MINDY4: variants seen among roughly 807,000 people sequenced by gnomAD.
MINDY4 encodes MINDY lysine 48 deubiquitinase 4, also known as probable ubiquitin carboxyl-terminal hydrolase MINDY-4.
Under a neutral mutation model 87.0 loss-of-function variants are expected in MINDY4, and 68 were observed. The observed-to-expected ratio is 0.78, with a 90% CI of 0.64 to 0.96. MINDY4 has a LOEUF of 0.96. Ranked by LOEUF, MINDY4 falls within the 40% of genes least tolerant of loss-of-function variation. The pLI is 0.00. For missense variants in MINDY4, 919 were observed against 928.2 expected (o/e 0.99, Z 0.13); for synonymous variants, 379 against 363.2 (o/e 1.04, Z -0.50).
At chr7:30,793,266 G>A (rs1428194271) in intron 5 of MINDY4, among the ~76,000 whole-genome samples, 1 of 151,192 alleles carries the variant, frequency 6.6e-6, no homozygotes, top group Admixed American at 6.6e-5. Flanking sequence ...CATGTATTTG[G>A]AACTTTAAAT....
At chr7:30,838,000 A>C (rs1048827921) in intron 7 of MINDY4, among the ~76,000 whole-genome samples, 1 of 152,208 alleles carries the variant, frequency 6.6e-6, no homozygotes, top group Admixed American at 6.5e-5. Flanking sequence ...TCTGGTGGAA[A>C]ATAATGAGTC....
intron 3 of MINDY4, among the ~76,000 whole-genome samples, chr7:30,784,902 C>G (rs1366372420): frequency 6.6e-6 from 1 of 152,124 alleles, no homozygotes; most frequent in Non-Finnish European, 1.5e-5. Context: ...GGGGGCAATA[C>G]CCATTTATGG....
At chr7:30,877,878 C>A (rs1790322796) in intron 15 of MINDY4, among the ~76,000 whole-genome samples, 1 of 120,598 alleles carries the variant, frequency 8.3e-6, no homozygotes, top group Non-Finnish European at 1.6e-5. Flanking sequence ...TGGGGTTTCA[C>A]CATATTGGCC....
At chr7:30,776,967 A>ATTTCTTTTCT (rs70983390) in intron 1 of MINDY4, among the ~76,000 whole-genome samples, 1 of 149,734 alleles carries the variant, frequency 6.7e-6, no homozygotes, top group East Asian at 2.0e-4. Context: ...CCCCAATGGT[A>ATTTCTTTTCT]TTTCTTTTCT....
chr7:30,858,400 A>G (rs1789645034), intron 12 of MINDY4: 1 of 152,158 alleles, frequency 6.6e-6, no homozygotes. Flanking sequence ...AGATGAGAAG[A>G]CTGAGGATAG....
At chr7:30,800,016 G>A (rs936307202) in intron 5 of MINDY4, among the ~76,000 whole-genome samples, 3 of 152,124 alleles carry the variant, frequency 2.0e-5, no homozygotes, top group Non-Finnish European at 4.4e-5. Context: ...CCTGGAGTGG[G>A]GCGGGCAGTG....
intron 10 of MINDY4, 149 bp from the exon 11 acceptor site, chr7:30,852,067 G>A (rs538789650): frequency 2.5e-6 from 2 of 795,790 alleles, no homozygotes; most frequent in African/African-American, 1.8e-5. Context: ...AGTTCAAAGT[G>A]GGGAAAAATG....
intron 17 of MINDY4, among the ~76,000 whole-genome samples, chr7:30,885,560 C>T (rs893427200): frequency 6.6e-6 from 1 of 152,118 alleles, no homozygotes; most frequent in Admixed American, 6.5e-5. Context: ...CACAAAGCGC[C>T]GTGCCCCACA....
intron 13 of MINDY4, among the ~76,000 whole-genome samples, chr7:30,867,714 TG>T (rs2128577020): frequency 6.6e-6 from 1 of 152,112 alleles, no homozygotes; most frequent in African/African-American, 2.4e-5. Context: ...GGGGGAAGTG[TG>T]GTCAAGGGTC....
At chr7:30,844,487 G>C (rs1477835580) in intron 9 of MINDY4, among the ~76,000 whole-genome samples, 1 of 152,044 alleles carries the variant, frequency 6.6e-6, no homozygotes, top group African/African-American at 2.4e-5. Flanking sequence ...GTCGCAGGTA[G>C]ATAGGGGTTG....
At chr7:30,785,289 CA>C (rs879396315) in intron 3 of MINDY4, among the ~76,000 whole-genome samples, 10,528 of 151,944 alleles carry the variant, frequency 0.069, 494 homozygotes, top group Middle Eastern at 0.13. Flanking sequence ...CACACACACA[CA>C]CACACACACA....
In MINDY4 at chr7:30,825,516, T is replaced by C. The variant is rs557090932; in HGVS notation, c.1074-3163T>C. ...CACTTGGGAGATTTGGCCCTTGTCC[T>C]GCGGTCTGCAGGAAGCCATGGAAGT... is the stretch of plus-strand genomic sequence containing the variant. On this transcript the variant is annotated intron_variant, in intron 5 of 17. Coordinates refer to ENST00000265299, the MANE Select transcript of MINDY4 (RefSeq NM_032222.3). Among the ~76,000 whole-genome samples, 3 of 152,322 alleles carry C rather than the reference T, an allele frequency of 2.0e-5. No homozygotes were observed. The South Asian group carries it at 6.2e-4, about 32-fold the overall frequency.
intron 6 of MINDY4, among the ~76,000 whole-genome samples, chr7:30,834,591 T>C (rs941267201): frequency 1.3e-5 from 2 of 152,268 alleles, no homozygotes; most frequent in African/African-American, 4.8e-5. Flanking sequence ...TGGCTACTTA[T>C]GCAAATTTCT....
chr7:30,822,883 G>T (rs1199055867), intron 5 of MINDY4, among the ~76,000 whole-genome samples: 2 of 151,798 alleles, frequency 1.3e-5, no homozygotes, highest in East Asian at 3.9e-4. Context: ...GGCTCAAGCA[G>T]TCGGCCCACC....
chr7:30,855,807 G>A (rs1789551936), intron 12 of MINDY4, among the ~76,000 whole-genome samples: 1 of 152,242 alleles, frequency 6.6e-6, no homozygotes, highest in African/African-American at 2.4e-5. Context: ...CTCCTCGCCT[G>A]GCTTTGGTCC....
At chr7:30,840,302 C>T (rs1788991734) in intron 8 of MINDY4, among the ~76,000 whole-genome samples, 1 of 152,204 alleles carries the variant, frequency 6.6e-6, no homozygotes, top group Non-Finnish European at 1.5e-5. Context: ...GAAGAGAGCG[C>T]AGAGCTCATG....
At chr7:30,877,557 G>T (rs1413038101) in intron 15 of MINDY4, among the ~76,000 whole-genome samples, 1 of 152,128 alleles carries the variant, frequency 6.6e-6, no homozygotes, top group Non-Finnish European at 1.5e-5. Flanking sequence ...TAAGGAAGGA[G>T]CCCTGGCCTC....
In MINDY4 at chr7:30,839,209, A is replaced by T. The variant is rs1437569971; in HGVS notation, c.1249A>T (p.Thr417Ser). 6 of 1,599,814 alleles carry T rather than the reference A, an allele frequency of 3.8e-6. No homozygotes were observed. The Admixed American group carries it at 1.1e-4, about 28-fold the overall frequency. ...TCTCTTCTTTTTATAGGAAATAAAG[A>T]CCCTTCTGTTTGGTTCCAGCTTTTG... is the stretch of plus-strand genomic sequence containing the variant. ...IDLSVAKEIKTLLFGSSFCCF... is the reference protein window; with the variant it reads ...IDLSVAKEIKSLLFGSSFCCF... The change falls in exon 8 of 18, where the codon ACC becomes TCC. Residue 417 changes from threonine to serine, a missense_variant. Coordinates refer to ENST00000265299, the MANE Select transcript of MINDY4 (RefSeq NM_032222.3).
intron 11 of MINDY4, 135 bp from the exon 12 acceptor site, chr7:30,853,259 A>G: frequency 1.4e-6 from 1 of 709,394 alleles, no homozygotes; most frequent in Non-Finnish European, 2.5e-6. Context: ...CCTGACTTGG[A>G]GATGCTGCTC....
Sources: allele counts gnomAD v4.1 joint callset (sites outside exome capture counted in the v4.1 genomes callset), GRCh38; gene constraint gnomAD v4.1.1; transcripts MANE v1.5; gene names NCBI Gene and HGNC (gene_info 2026-07-23, HGNC 2026-07-21).